Variants in DLG5 observed in about 807,000 individuals in gnomAD.
DLG5 encodes discs large MAGUK scaffold protein 5, also known as disks large homolog 5.
In DLG5, 48 loss-of-function variants were observed where a neutral mutation model predicts 189.8. The observed-to-expected ratio is 0.25, with a 90% CI of 0.20 to 0.32. The LOEUF is 0.32. DLG5 is among the 10% of genes least tolerant of loss of function. The probability of loss-of-function intolerance (pLI) is 1.00; values close to 1 mark genes in which losing one functional copy is unlikely to be tolerated. For missense variants in DLG5, 2,160 were observed against 2,544.7 expected (o/e 0.85, Z 3.25); for synonymous variants, 1,016 against 1,054.1 (o/e 0.96, Z 0.70).
intron 5 of DLG5, among the ~76,000 whole-genome samples, chr10:77,850,596 T>C (rs1843921497): frequency 6.6e-6 from 1 of 152,154 alleles, no homozygotes; most frequent in African/African-American, 2.4e-5. Context: ...TTTTGAGGAA[T>C]CACTAGGCTG....
intron 1 of DLG5, among the ~76,000 whole-genome samples, chr10:77,882,017 C>T (rs1210555868): frequency 6.6e-6 from 1 of 152,262 alleles, no homozygotes; most frequent in East Asian, 1.9e-4. Flanking sequence ...CACTGCCCTC[C>T]TCATCTACTT....
At chr10:77,929,359 G>A, upstream of DLG5, 1 of 152,148 alleles carries the variant, frequency 6.6e-6, no homozygotes, top group Non-Finnish European at 1.5e-5. Flanking sequence ...GATTCCTTTA[G>A]CCAGTGACCT....
intron 5 of DLG5, among the ~76,000 whole-genome samples, chr10:77,844,872 G>T (rs560264520): frequency 1.3e-5 from 2 of 152,212 alleles, no homozygotes; most frequent in South Asian, 2.1e-4. Flanking sequence ...GGGCAGAGAG[G>T]GGGGCAGGGT....
chr10:77,905,552 C>CATG (rs1188250997), intron 1 of DLG5, among the ~76,000 whole-genome samples: 2 of 152,212 alleles, frequency 1.3e-5, no homozygotes, highest in African/African-American at 4.8e-5. Flanking sequence ...TCAACTATCA[C>CATG]ATGACCTGAA....
chr10:77,901,039 C>T (rs1444025739), intron 1 of DLG5, among the ~76,000 whole-genome samples: 2 of 150,168 alleles, frequency 1.3e-5, no homozygotes, highest in South Asian at 2.1e-4. Flanking sequence ...GGCTTGAACC[C>T]GGGAGGCAGA....
intron 13 of DLG5, among the ~76,000 whole-genome samples, chr10:77,824,917 C>T (rs1171341628): frequency 2.6e-5 from 4 of 152,280 alleles, no homozygotes; most frequent in East Asian, 1.9e-4. Context: ...AAGTACCACG[C>T]GAAGTGGGGC....
rs1378466241 is a variant in DLG5 at position 77,805,819 on chromosome 10, G to A, written c.5010C>T (p.Val1670=). Residue 1670 remains valine (V), a synonymous_variant, in exon 27 of 32, where the codon GTC becomes GTT. Transcript: ENST00000372391. ...EFSRRLSMSE[V]KDDNSATKTL... is the part of the protein sequence containing the mutation. Reference sequence around the variant, plus strand: ...TCTTTGTGGCGCTATTGTCATCTTTGACTTCAGACATGCTGAGCCTCCTGG... The same window carrying A: ...TCTTTGTGGCGCTATTGTCATCTTTAACTTCAGACATGCTGAGCCTCCTGG... The A allele has an allele frequency of 6.2e-7, 1 of 1,614,138 alleles. No homozygotes were observed. Among genetic ancestry groups the A allele is most frequent in the South Asian group, 1.1e-5 (1 of 91,076 alleles).
At chr10:77,888,948 G>A (rs1437408984) in intron 1 of DLG5, among the ~76,000 whole-genome samples, 1 of 152,110 alleles carries the variant, frequency 6.6e-6, no homozygotes, top group Non-Finnish European at 1.5e-5. Flanking sequence ...ATTCCCCCTA[G>A]GTGTTTGCAT....
chr10:77,847,714 C>A lies in DLG5; in HGVS notation c.865-4008G>T, dbSNP rs534980924. On this transcript the variant is annotated intron_variant, in intron 5 of 31. Transcript: ENST00000372391. Reference sequence around the variant, plus strand: ...TACAGTCAAATGTTTAGCTTCCCAGCAAAAGCTAATGAAGAGAGAATATTT... The same window carrying A: ...TACAGTCAAATGTTTAGCTTCCCAGAAAAAGCTAATGAAGAGAGAATATTT... Among the ~76,000 whole-genome samples, 4 of 152,198 alleles carry A rather than the reference C, an allele frequency of 2.6e-5. No homozygotes were observed. The South Asian group carries it at 8.3e-4, about 32-fold the overall frequency.
chr10:77,913,020 C>G (rs1287450644), intron 1 of DLG5, among the ~76,000 whole-genome samples: 1 of 152,210 alleles, frequency 6.6e-6, no homozygotes, highest in Non-Finnish European at 1.5e-5. Context: ...CCTCTCTCGT[C>G]TAATTTACAG....
At chr10:77,795,827 T>C (rs1168810338) in intron 29 of DLG5, among the ~76,000 whole-genome samples, 2 of 152,062 alleles carry the variant, frequency 1.3e-5, no homozygotes, top group Non-Finnish European at 2.9e-5. Context: ...GAGAGGAAGA[T>C]GGGGCGGCAC....
chr10:77,851,515 G>A (rs1378822999), intron 5 of DLG5, among the ~76,000 whole-genome samples: 1 of 152,226 alleles, frequency 6.6e-6, no homozygotes. Context: ...CAGTCTTCCT[G>A]CTGCCGGCTT....
At chr10:77,886,264 C>T (rs1149724) in intron 1 of DLG5, among the ~76,000 whole-genome samples, 38,662 of 152,062 alleles carry the variant, frequency 0.25, 5,498 homozygotes, top group Admixed American at 0.39. Context: ...GGTCTGCACA[C>T]GCACCCTGGG....
rs991691058 is a variant in DLG5, at chr10:77,819,318, T to C, written c.3671+3A>G. On this transcript the variant is annotated splice_donor_region_variant and intron_variant, in intron 17 of 31. Coordinates refer to ENST00000372391, the MANE Select transcript of DLG5 (RefSeq NM_004747.4). Reference sequence around the variant, plus strand: ...CAGAGAAGCGTAGGGTGCCTTCACATACCTGGGATGCAAACCCTGGGGGCC... The same window carrying C: ...CAGAGAAGCGTAGGGTGCCTTCACACACCTGGGATGCAAACCCTGGGGGCC... 9.3e-6 allele frequency: 15 copies of C among 1,613,800 alleles called. No individual in the cohort carries two copies. Among genetic ancestry groups the C allele is most frequent in the Non-Finnish European group, 1.1e-5 (13 of 1,179,954 alleles).
chr10:77,831,461 T>C (rs1347451939), intron 9 of DLG5, among the ~76,000 whole-genome samples: 1 of 152,218 alleles, frequency 6.6e-6, no homozygotes, highest in Non-Finnish European at 1.5e-5. Context: ...TTTGTAGATA[T>C]AGACGGCTAT....
intron 2 of DLG5, among the ~76,000 whole-genome samples, chr10:77,863,944 G>A (rs1161716459): frequency 1.3e-5 from 2 of 152,204 alleles, no homozygotes; most frequent in African/African-American, 4.8e-5. Flanking sequence ...AGAGAAGGAA[G>A]CAGGACAGAA....
chr10:77,883,691 CTTTTTTTTT>C (rs36028891), intron 1 of DLG5, among the ~76,000 whole-genome samples: 3 of 96,460 alleles, frequency 3.1e-5, no homozygotes, highest in African/African-American at 1.2e-4. Flanking sequence ...TAACATTGTT[CTTTTTTTTT>C]TTTTTTTTTT....
chr10:77,832,369 T>C (rs1219688551), intron 9 of DLG5, among the ~76,000 whole-genome samples: 1 of 152,206 alleles, frequency 6.6e-6, no homozygotes, highest in Non-Finnish European at 1.5e-5. Context: ...TCATGAACAC[T>C]GCCCACTGGG....
At position 77,819,508 on chromosome 10, in the gene DLG5, G is replaced by T. The variant is rs757412403; in HGVS notation, c.3527-43C>A. On this transcript the variant is annotated intron_variant, in intron 16 of 31. Transcript: ENST00000372391. Reference sequence around the variant, plus strand: ...GAGAAAAGACGCCCCAAAGGACCCAGCCAGCCCAGGACTTACACAAGCCTT... The same window carrying T: ...GAGAAAAGACGCCCCAAAGGACCCATCCAGCCCAGGACTTACACAAGCCTT... 5.7e-6 allele frequency: 9 copies of T among 1,587,230 alleles called. No homozygotes were observed. In the South Asian group the frequency reaches 1.0e-4, roughly 18 times the overall value.
Sources: gnomAD v4.1 joint callset for allele counts (sites outside exome capture counted in the v4.1 genomes callset) on GRCh38, gnomAD v4.1.1 for gene constraint, MANE v1.5 for transcripts, NCBI Gene and HGNC (gene_info 2026-07-23, HGNC 2026-07-21) for gene names.